Variants in NXPE4 observed in about 807,000 individuals in gnomAD.
The protein encoded by NXPE4 is neurexophilin and PC-esterase domain family member 4.
A neutral mutation model predicts 33.3 loss-of-function variants in NXPE4; 42 were observed. The observed-to-expected ratio is 1.26, with a 90% confidence interval of 0.98 to 1.63. The LOEUF is 1.63. Ranked by LOEUF, NXPE4 falls within the 40% of genes most tolerant of loss-of-function variation. The probability of loss-of-function intolerance (pLI) is 0.00; values close to 1 mark genes in which losing one functional copy is unlikely to be tolerated. For missense variants in NXPE4, 709 were observed against 647.6 expected (o/e 1.09, Z -1.03); for synonymous variants, 253 against 234.9 (o/e 1.08, Z -0.71).
chr11:114,614,065 C>T, the NXPE4 span, among the ~76,000 whole-genome samples: 1 of 151,330 alleles, frequency 6.6e-6, no homozygotes, highest in Non-Finnish European at 1.5e-5. Context: ...TAAGTGTCGC[C>T]TCATGCATAA....
the NXPE4 span, among the ~76,000 whole-genome samples, chr11:114,666,030 T>C: frequency 6.6e-6 from 1 of 152,114 alleles, no homozygotes; most frequent in Non-Finnish European, 1.5e-5. Flanking sequence ...TTCCACACTA[T>C]CCTGCATCTT....
rs576790919 is a variant in NXPE4 at position 114,584,486 on chromosome 11, C to A, written c.97-1465G>T. 16 of 186,560 alleles carry A rather than the reference C, an allele frequency of 8.6e-5. No individual in the cohort carries two copies. The South Asian group carries it at 1.2e-3, about 14-fold the overall frequency. 11.6% of individuals were successfully genotyped at this position (186,560 alleles called of 1,614,324 possible). ...AGCTCATCTCCATCCGTTTCTCTGA[C>A]AGATGAATTACCTGTGAGGAAGAGT... is the stretch of plus-strand genomic sequence containing the variant. On this transcript the variant is annotated intron_variant, in intron 2 of 5. Coordinates refer to ENST00000375478, the MANE Select transcript of NXPE4 (RefSeq NM_001077639.2).
the NXPE4 span, among the ~76,000 whole-genome samples, chr11:114,614,562 T>G: frequency 5.3e-5 from 8 of 151,172 alleles, 1 homozygote; most frequent in South Asian, 6.3e-4. Flanking sequence ...AATGTTACCT[T>G]GTGGGTAACT....
chr11:114,637,210 T>C, the NXPE4 span, among the ~76,000 whole-genome samples: 1 of 152,128 alleles, frequency 6.6e-6, no homozygotes, highest in African/African-American at 2.4e-5. Context: ...CCCTTTACCA[T>C]TAAGTAATGG....
intron 2 of NXPE4, among the ~76,000 whole-genome samples, chr11:114,590,527 C>A (rs542304442): frequency 1.3e-5 from 2 of 152,290 alleles, no homozygotes; most frequent in South Asian, 4.1e-4. Flanking sequence ...AAATTCATCT[C>A]CTAACCTGGA....
In NXPE4 at chr11:114,582,905, T is replaced by A. The variant is rs758803514; in HGVS notation, c.213A>T (p.Arg71Ser). 3.7e-6 allele frequency: 6 copies of A among 1,614,186 alleles called. No individual in the cohort carries two copies. The Admixed American group carries it at 5.0e-5, about 13-fold the overall frequency. Residue 71 changes from arginine to serine, a missense_variant, in exon 3 of 6, where the codon AGA becomes AGT. Transcript: ENST00000375478. Reference protein sequence around the residue: ...SLKPLTETELRIKEIIEKLDQ... With the variant: ...SLKPLTETELSIKEIIEKLDQ... Reference sequence around the variant, plus strand: ...CTAGTTTCTCTATGATTTCCTTTATTCTGAGTTCAGTCTCTGTTAGTGGCT... The same window carrying A: ...CTAGTTTCTCTATGATTTCCTTTATACTGAGTTCAGTCTCTGTTAGTGGCT...
At chr11:114,643,111 G>GT in the NXPE4 span, among the ~76,000 whole-genome samples, 10 of 151,936 alleles carry the variant, frequency 6.6e-5, no homozygotes, top group Admixed American at 6.6e-4. Context: ...GGGGTTGTTT[G>GT]TTTTTTTCTT....
At chr11:114,609,539 C>T in the NXPE4 span, among the ~76,000 whole-genome samples, 8 of 151,906 alleles carry the variant, frequency 5.3e-5, no homozygotes, top group Admixed American at 2.6e-4. Flanking sequence ...ACCACTGTTA[C>T]CCAATGGATA....
chr11:114,636,304 G>T, the NXPE4 span, among the ~76,000 whole-genome samples: 3 of 151,996 alleles, frequency 2.0e-5, no homozygotes, highest in Non-Finnish European at 4.4e-5. Flanking sequence ...GAGATCGGTG[G>T]TGATATCCCC....
At chr11:114,594,846 A>T in intron 1 of NXPE4, 77 bp from the exon 2 acceptor site, 2 of 794,616 alleles carry the variant, frequency 2.5e-6, no homozygotes, top group Non-Finnish European at 4.1e-6. Flanking sequence ...GAAACATTTG[A>T]AATTTTTTTG....
At chr11:114,676,753 G>A in the NXPE4 span, among the ~76,000 whole-genome samples, 1 of 152,008 alleles carries the variant, frequency 6.6e-6, no homozygotes, top group Non-Finnish European at 1.5e-5. Context: ...TCCCGCTAAT[G>A]GGTATATATC....
At chr11:114,601,506 A>AATTATAT in the NXPE4 span, among the ~76,000 whole-genome samples, 3 of 19,844 alleles carry the variant, frequency 1.5e-4, no homozygotes, top group African/African-American at 4.6e-4. Flanking sequence ...ATAGTATATA[A>AATTATAT]ATTATATATT....
the NXPE4 span, among the ~76,000 whole-genome samples, chr11:114,663,586 CATCTATCTATCT>C: frequency 7.0e-4 from 93 of 132,992 alleles, no homozygotes; most frequent in African/African-American, 2.3e-3. Context: ...CTCTATCTAT[CATCTATCTATCT>C]ATCTATCTAT....
chr11:114,624,218 A>G, the NXPE4 span, among the ~76,000 whole-genome samples: 1 of 152,012 alleles, frequency 6.6e-6, no homozygotes, highest in East Asian at 1.9e-4. Context: ...TACCTGGTGG[A>G]TGACAGATGT....
the NXPE4 span, among the ~76,000 whole-genome samples, chr11:114,633,257 A>T: frequency 5.2e-5 from 7 of 134,974 alleles, no homozygotes; most frequent in East Asian, 6.3e-4. Flanking sequence ...TATAATATAT[A>T]AGAATGTTAT....
chr11:114,651,213 G>C, the NXPE4 span, among the ~76,000 whole-genome samples: 1 of 152,096 alleles, frequency 6.6e-6, no homozygotes, highest in Non-Finnish European at 1.5e-5. Flanking sequence ...AGTTCTTAAA[G>C]ATGGTGTGTC....
At chr11:114,626,955 G>A in the NXPE4 span, among the ~76,000 whole-genome samples, 3 of 151,936 alleles carry the variant, frequency 2.0e-5, no homozygotes, top group Non-Finnish European at 2.9e-5. Context: ...GAAGTGAGAA[G>A]GGAAGTTTAG....
chr11:114,605,570 T>TGGATAATAA, the NXPE4 span, among the ~76,000 whole-genome samples: 1 of 151,590 alleles, frequency 6.6e-6, no homozygotes, highest in Non-Finnish European at 1.5e-5. Flanking sequence ...TGTTACCCGG[T>TGGATAATAA]GGATAATAAG....
chr11:114,572,123 C>T (rs1948904145), intron 5 of NXPE4, among the ~76,000 whole-genome samples: 1 of 152,038 alleles, frequency 6.6e-6, no homozygotes, highest in Non-Finnish European at 1.5e-5. Flanking sequence ...CCCAGTAGCT[C>T]CACTGGGTTG....
Sources: allele counts gnomAD v4.1 joint callset (sites outside exome capture counted in the v4.1 genomes callset), GRCh38; gene constraint gnomAD v4.1.1; transcripts MANE v1.5; gene names NCBI Gene and HGNC (gene_info 2026-07-23, HGNC 2026-07-21).